The following TMEM8B variants were observed in gnomAD, a reference collection of about 807,000 sequenced individuals.
TMEM8B encodes the protein transmembrane protein 8B.
In TMEM8B, 29 loss-of-function variants were observed where a neutral mutation model predicts 49.3. The observed-to-expected ratio is 0.59, with a 90% CI of 0.44 to 0.80. The LOEUF is 0.80. Ranked by LOEUF, TMEM8B falls within the 30% of genes least tolerant of loss-of-function variation. The pLI, the probability that TMEM8B is intolerant of heterozygous loss-of-function variation, is 0.00. For synonymous variants in TMEM8B, 264 were observed against 272.8 expected, an observed-to-expected ratio of 0.97 and a Z score of 0.32; for missense variants, 575 against 658.5, an observed-to-expected ratio of 0.87 and a Z score of 1.39.
chr9:35,830,725 A>G (rs1432480921), intron 1 of TMEM8B, among the ~76,000 whole-genome samples: 1 of 152,206 alleles, frequency 6.6e-6, no homozygotes, highest in Non-Finnish European at 1.5e-5. Context: ...CTCAAAGCAT[A>G]ACCTCCCTTC....
chr9:35,858,720 G>C lies in TMEM8B; in HGVS notation c.*4880G>C, dbSNP rs1178529314. ...AGGTGTGGTCCTGTGCCTTCCTGTT[G>C]CCATTGTGTTGGCCACTGAAATGTA... On this transcript the variant is annotated 3_prime_UTR_variant, in exon 13 of 13. Coordinates refer to ENST00000643932, the MANE Select transcript of TMEM8B (RefSeq NM_001042590.4). The C allele has an allele frequency of 6.6e-6, 1 of 152,230 alleles. No individual in the cohort carries two copies. Among genetic ancestry groups the C allele is most frequent in the African/African-American group, 2.4e-5 (1 of 41,456 alleles). The allele number at this position is 152,230 out of a possible 1,614,324, so 9.4% of individuals were successfully genotyped here.
chr9:35,829,521 G>GCAATCCCCGC lies in TMEM8B; in HGVS notation c.75_76insAATCCCCGCC (p.Phe26AsnfsTer57). 1 of 100,170 alleles carries GCAATCCCCGC rather than the reference G, an allele frequency of 1.0e-5. No homozygotes were observed. 6.2% of individuals were successfully genotyped at this position (100,170 alleles called of 1,614,324 possible). On this transcript the variant is annotated frameshift_variant, in exon 1 of 13. Transcript: ENST00000643932. LOFTEE classifies it high-confidence loss of function. Reference sequence around the variant, plus strand: ...TGGCCCCCAGCCCCGCCCTCGCCCCGCTTCCCACATCGGCCCCAGCCCCTG... The same window carrying GCAATCCCCGC: ...TGGCCCCCAGCCCCGCCCTCGCCCCGCAATCCCCGCCTTCCCACATCGGCCCCAGCCCCTG...
Position 35,841,687 on chromosome 9 carries a change from TGGAG to T in TMEM8B, c.1203_1206del (p.Glu402TrpfsTer51). ...TGTGGAGGTGCCTCAGGATGCCAGC[TGGAG>T]CTGGCACTGCCCCCCTGGGGGCACT... On this transcript the variant is annotated frameshift_variant, in exon 5 of 13. Coordinates refer to ENST00000643932, the MANE Select transcript of TMEM8B (RefSeq NM_001042590.4). LOFTEE classifies it high-confidence loss of function. The surrounding 1 kb of genome is among the most constrained non-coding windows in gnomAD (Gnocchi z 5.9). 1 of 415,908 alleles carries T rather than the reference TGGAG, an allele frequency of 2.4e-6. No homozygotes were observed. Among genetic ancestry groups the T allele is most frequent in the East Asian group, 3.6e-5 (1 of 28,074 alleles). 25.8% of individuals were successfully genotyped at this position (415,908 alleles called of 1,614,324 possible).
Position 35,849,145 on chromosome 9 carries a change from T to C in TMEM8B, c.2175+2150T>C, listed in dbSNP as rs74743907. Among the ~76,000 whole-genome samples, 295 of 152,302 alleles carry C rather than the reference T, an allele frequency of 1.9e-3. 1 individual carries two copies. Among genetic ancestry groups the C allele is most frequent in the African/African-American group, 6.6e-3 (273 of 41,560 alleles). On this transcript the variant is annotated intron_variant, in intron 10 of 12. Transcript: ENST00000643932. ...TCCCTCCTTGCCATTCGTAGACTTA[T>C]TTCATTCTGCAGCAGTGTCCATTTA...
At position 35,841,369 on chromosome 9, in the gene TMEM8B, G is replaced by A. The variant is rs766079530; in HGVS notation, c.1040+102G>A. 2.4e-6 allele frequency: 1 copy of A among 413,864 alleles called. No individual in the cohort carries two copies. The highest frequency in any genetic ancestry group is 4.4e-6 in the Non-Finnish European group (1 of 227,070). The allele number at this position is 413,864 out of a possible 1,614,324, so 25.6% of individuals were successfully genotyped here. On this transcript the variant is annotated intron_variant, in intron 4 of 12. Coordinates refer to ENST00000643932, the MANE Select transcript of TMEM8B (RefSeq NM_001042590.4). The surrounding 1 kb of genome is among the most constrained non-coding windows in gnomAD (Gnocchi z 5.9). ...TTCTCCACCTACCTGCCTGGTCCCT[G>A]GGTGGGATCCCTGCCTCCCTCCCTC... is the stretch of plus-strand genomic sequence containing the variant.
chr9:35,834,945 T>A (rs2236291), intron 2 of TMEM8B, 66 bp from the exon 3 acceptor site: 11 of 415,102 alleles, frequency 2.6e-5, no homozygotes, highest in South Asian at 1.3e-4. Context: ...CTTTTCTTTC[T>A]TTCTTTCATT....
chr9:35,843,117 G>C (rs1831185427), intron 6 of TMEM8B, among the ~76,000 whole-genome samples: 1 of 152,072 alleles, frequency 6.6e-6, no homozygotes, highest in Non-Finnish European at 1.5e-5. Context: ...ATCAAAATCT[G>C]TCTCCATGAA....
chr9:35,853,254 C>T lies in TMEM8B; in HGVS notation c.2436C>T (p.Ala812=). The change falls in exon 12 of 13, where the codon GCC becomes GCT. Residue 812 remains alanine, a synonymous_variant. Coordinates refer to ENST00000643932, the MANE Select transcript of TMEM8B (RefSeq NM_001042590.4). The surrounding 1 kb of genome is among the most constrained non-coding windows in gnomAD (Gnocchi z 4.2). Reference sequence around the variant, plus strand: ...TCGCCCTGGGGATCTTGGCCACAGCCTGGGTAAGGGTGGGGAGGGATGTGG... The same window carrying T: ...TCGCCCTGGGGATCTTGGCCACAGCTTGGGTAAGGGTGGGGAGGGATGTGG... The part of the protein sequence containing the change: ...SLFALGILAT[A]WTVRSVRRRH... 16 of 1,612,784 alleles carry T rather than the reference C, an allele frequency of 9.9e-6. No homozygotes were observed. The highest frequency in any genetic ancestry group is 1.4e-5 in the Non-Finnish European group (16 of 1,178,876).
At chr9:35,844,034 G>T (rs932100059) in intron 6 of TMEM8B, among the ~76,000 whole-genome samples, 1 of 152,158 alleles carries the variant, frequency 6.6e-6, no homozygotes, top group African/African-American at 2.4e-5. Flanking sequence ...AACATGTTGG[G>T]TTTACAAGTG....
rs1830320532 is a variant in TMEM8B at position 35,835,162 on chromosome 9, G to A, written c.850G>A (p.Gly284Arg). The A allele has an allele frequency of 4.8e-6, 2 of 415,708 alleles. No individual in the cohort carries two copies. Among genetic ancestry groups the A allele is most frequent in the African/African-American group, 2.1e-5 (1 of 48,692 alleles). The allele number at this position is 415,708 out of a possible 1,614,324, so 25.8% of individuals were successfully genotyped here. A position where few individuals can be genotyped will look rare whatever the true frequency, so the allele number is the denominator to read the frequency against. ...CTTTAACGTCAGCAGCCCCTTACCT[G>A]GGGACTGGTTCTTGGCTGCCCACCT... ...GIFNVSSPLPGDWFLAAHLPQ... is the reference protein window; with the variant it reads ...GIFNVSSPLPRDWFLAAHLPQ... The change falls in exon 3 of 13, where the codon GGG (glycine) becomes AGG (arginine). Residue 284 changes from glycine (G) to arginine (R), a missense_variant. Coordinates refer to ENST00000643932, the MANE Select transcript of TMEM8B (RefSeq NM_001042590.4).
intron 10 of TMEM8B, among the ~76,000 whole-genome samples, chr9:35,852,183 C>T (rs1036744938): frequency 5.9e-5 from 9 of 152,224 alleles, no homozygotes; most frequent in African/African-American, 2.2e-4. Flanking sequence ...CCTCAATAGT[C>T]CACTCTTCAC....
At chr9:35,840,289 C>T (rs1205320004) in intron 3 of TMEM8B, among the ~76,000 whole-genome samples, 4 of 152,192 alleles carry the variant, frequency 2.6e-5, no homozygotes, top group Non-Finnish European at 5.9e-5. Context: ...AGGGACCAGA[C>T]GGATCAGTGG....
intron 10 of TMEM8B, among the ~76,000 whole-genome samples, chr9:35,850,252 G>GA (rs528522888): frequency 0.011 from 1,725 of 151,780 alleles, 31 homozygotes; most frequent in African/African-American, 0.039. Context: ...AAATTCCACA[G>GA]AAAAAAAACC....
chr9:35,842,727 A>G lies in TMEM8B; in HGVS notation c.1635+10A>G, dbSNP rs1383388829. The stretch of plus-strand genomic sequence containing the variant: ...GCTCCAGCTCAATGCGGTACTCTTT[A>G]TGGAGAGTGGGGAGGTTGCTCTGCC... On this transcript the variant is annotated intron_variant, in intron 6 of 12. Transcript: ENST00000643932. This position sits in a 1 kb window ranked among gnomAD's most constrained non-coding sequence, Gnocchi z 5.6. The G allele has an allele frequency of 1.2e-6, 2 of 1,602,316 alleles. No homozygotes were observed. Among genetic ancestry groups the G allele is most frequent in the East Asian group, 2.2e-5 (1 of 44,638 alleles).
chr9:35,852,276 C>G (rs1832207533), intron 10 of TMEM8B, among the ~76,000 whole-genome samples: 1 of 152,206 alleles, frequency 6.6e-6, no homozygotes, highest in Non-Finnish European at 1.5e-5. Context: ...TGCCTCTCTC[C>G]ATGGCCTTAG....
Position 35,853,067 on chromosome 9 carries a change from C to T in TMEM8B, c.2323-74C>T, listed in dbSNP as rs989755107. The T allele has an allele frequency of 1.9e-6, 3 of 1,608,014 alleles. No homozygotes were observed. In the African/African-American group the frequency reaches 4.0e-5, roughly 22 times the overall value. ...CCTGGGGGCATTTCCAAGTGCCTCTCATGATTCTGACCCAGGCCCTGGAGT... is the reference window on the plus strand; with the variant it reads ...CCTGGGGGCATTTCCAAGTGCCTCTTATGATTCTGACCCAGGCCCTGGAGT... On this transcript the variant is annotated intron_variant, in intron 11 of 12. Transcript: ENST00000643932. This position sits in a 1 kb window ranked among gnomAD's most constrained non-coding sequence, Gnocchi z 4.2.
chr9:35,834,474 G>C lies in TMEM8B; in HGVS notation c.522G>C (p.Leu174=), dbSNP rs1031398885. 6.7e-5 allele frequency: 28 copies of C among 416,120 alleles called. No homozygotes were observed. Among genetic ancestry groups the C allele is most frequent in the African/African-American group, 4.7e-4 (23 of 48,706 alleles). 25.8% of individuals were successfully genotyped at this position (416,120 alleles called of 1,614,324 possible). A position where few individuals can be genotyped will look rare whatever the true frequency, so the allele number is the denominator to read the frequency against. Residue 174 remains leucine, a synonymous_variant, in exon 2 of 13, where the codon CTG becomes CTC. Transcript: ENST00000643932. ...VLGPGAGGLF[L]TDYSTCSPRK... The stretch of plus-strand genomic sequence containing the variant: ...CCTGCTTCCCAGGAGGCCTTTTCCT[G>C]ACTGATTACTCCACCTGCTCACCCC...
At position 35,861,103 on chromosome 9, in the gene TMEM8B, T is replaced by C. The variant is rs1273959046; in HGVS notation, c.*7263T>C. 2 of 152,236 alleles carry C rather than the reference T, an allele frequency of 1.3e-5. No homozygotes were observed. Among genetic ancestry groups the C allele is most frequent in the African/African-American group, 4.8e-5 (2 of 41,446 alleles). The allele number at this position is 152,236 out of a possible 1,614,324, so 9.4% of individuals were successfully genotyped here. ...AACTTTTATCACTCAGAAGATATAA[T>C]CCACCTCTCCCCTCCTGCCCTTCGC... On this transcript the variant is annotated 3_prime_UTR_variant, in exon 13 of 13. Coordinates refer to ENST00000643932, the MANE Select transcript of TMEM8B (RefSeq NM_001042590.4).
chr9:35,842,304 G>A lies in TMEM8B; in HGVS notation c.1310-88G>A, dbSNP rs2236294. 212,593 of 1,072,040 alleles carry A rather than the reference G, an allele frequency of 0.2. 22,045 individuals are homozygous for A. Among genetic ancestry groups the A allele is most frequent in the East Asian group, 0.34 (12,238 of 35,632 alleles). 66.4% of individuals were successfully genotyped at this position (1,072,040 alleles called of 1,614,324 possible). Reference sequence around the variant, plus strand: ...GTTCTCATCCTTCCCCACTCTTTGCGAAATCCTGTCTAGCTCAGATGTGTT... The same window carrying A: ...GTTCTCATCCTTCCCCACTCTTTGCAAAATCCTGTCTAGCTCAGATGTGTT... On this transcript the variant is annotated intron_variant, in intron 5 of 12. Coordinates refer to ENST00000643932, the MANE Select transcript of TMEM8B (RefSeq NM_001042590.4). This position sits in a 1 kb window ranked among gnomAD's most constrained non-coding sequence, Gnocchi z 5.6.
Sources: gnomAD v4.1 joint callset for allele counts (sites outside exome capture counted in the v4.1 genomes callset) on GRCh38, gnomAD v4.1.1 for gene constraint, Gnocchi (gnomAD v3.1) non-coding constraint, MANE v1.5 for transcripts, NCBI Gene and HGNC (gene_info 2026-07-23, HGNC 2026-07-21) for gene names.